The following LPP variants were observed in gnomAD, a reference collection of about 807,000 sequenced individuals.
The protein encoded by LPP is lipoma-preferred partner.
A neutral mutation model predicts 60.4 loss-of-function variants in LPP; 38 were observed. The observed-to-expected ratio is 0.63, with a 90% CI of 0.49 to 0.83. LPP has a LOEUF of 0.83. LPP is among the 40% of genes least tolerant of loss of function. The probability of loss-of-function intolerance (pLI) is 0.00; values close to 1 mark genes in which losing one functional copy is unlikely to be tolerated. For missense variants in LPP, 902 were observed against 783.6 expected (o/e 1.15, Z -1.80); for synonymous variants, 328 against 290.8 (o/e 1.13, Z -1.30).
intron 2 of LPP, among the ~76,000 whole-genome samples, chr3:188,279,326 A>G (rs750436078): frequency 2.0e-5 from 3 of 152,200 alleles, no homozygotes; most frequent in Non-Finnish European, 4.4e-5. Flanking sequence ...CCTCTATAAA[A>G]CAAAGGTAAC....
intron 2 of LPP, among the ~76,000 whole-genome samples, chr3:188,229,549 T>C (rs1451485817): frequency 2.0e-5 from 3 of 152,186 alleles, no homozygotes; most frequent in Non-Finnish European, 2.9e-5. Context: ...CAGCTAGCTT[T>C]TATTGCTTGT....
chr3:188,762,469 A>T (rs914415053), intron 9 of LPP, among the ~76,000 whole-genome samples: 19 of 152,342 alleles, frequency 1.2e-4, no homozygotes, highest in African/African-American at 3.8e-4. Context: ...TTAGGAAATT[A>T]TTATAACCTT....
At position 188,874,506 on chromosome 3, in the gene LPP, G is replaced by T; in HGVS notation, c.*27G>T. The T allele has an allele frequency of 6.2e-7, 1 of 1,606,966 alleles. No homozygotes were observed. Among genetic ancestry groups the T allele is most frequent in the South Asian group, 1.1e-5 (1 of 90,688 alleles). ...TTCAGTCACCTGTTCAGCCGGCACT[G>T]AGAAGAACGAACACAAGAAAAAGAT... is the stretch of plus-strand genomic sequence containing the variant. On this transcript the variant is annotated 3_prime_UTR_variant, in exon 12 of 12. Transcript: ENST00000617246.
At chr3:188,528,637 A>G (rs1821316102) in intron 6 of LPP, among the ~76,000 whole-genome samples, 1 of 152,202 alleles carries the variant, frequency 6.6e-6, no homozygotes, top group Non-Finnish European at 1.5e-5. Context: ...TGAGATATAG[A>G]TATCTCAGTT....
intron 7 of LPP, among the ~76,000 whole-genome samples, chr3:188,630,811 T>C (rs886636344): frequency 1.3e-5 from 2 of 152,108 alleles, no homozygotes; most frequent in Non-Finnish European, 2.9e-5. Flanking sequence ...AAAGAAAATA[T>C]GGTATGTATG....
At chr3:188,739,763 T>A (rs1184517806) in intron 8 of LPP, among the ~76,000 whole-genome samples, 1 of 152,074 alleles carries the variant, frequency 6.6e-6, no homozygotes, top group African/African-American at 2.4e-5. Context: ...CAATTGTCTG[T>A]AGTTGCAGTC....
At chr3:188,509,310 A>G (rs567195177) in intron 5 of LPP, among the ~76,000 whole-genome samples, 1 of 152,338 alleles carries the variant, frequency 6.6e-6, no homozygotes, top group African/African-American at 2.4e-5. Context: ...GGTCTCCAAA[A>G]TATCCCTGTG....
At chr3:188,322,081 G>A (rs777001005) in intron 2 of LPP, among the ~76,000 whole-genome samples, 5 of 152,266 alleles carry the variant, frequency 3.3e-5, no homozygotes, top group African/African-American at 9.6e-5. Context: ...TTACATATAC[G>A]AATCCCCATC....
chr3:188,680,109 A>C (rs754193596), intron 7 of LPP, among the ~76,000 whole-genome samples: 1 of 152,130 alleles, frequency 6.6e-6, no homozygotes, highest in Non-Finnish European at 1.5e-5. Context: ...AAAAATTGCT[A>C]TTTTATAAAC....
At chr3:188,601,200 CTATTA>C (rs1378317540) in intron 6 of LPP, among the ~76,000 whole-genome samples, 4 of 151,950 alleles carry the variant, frequency 2.6e-5, no homozygotes, top group African/African-American at 7.2e-5. Flanking sequence ...GTGTAGTATT[CTATTA>C]TATGACTATA....
intron 7 of LPP, among the ~76,000 whole-genome samples, chr3:188,687,727 A>T (rs1167360592): frequency 6.6e-6 from 1 of 151,572 alleles, no homozygotes; most frequent in Non-Finnish European, 1.5e-5. Context: ...TCTTGACCAA[A>T]GCTCTGAATA....
chr3:188,798,611 T>C (rs1359652809), intron 9 of LPP, among the ~76,000 whole-genome samples: 5 of 152,190 alleles, frequency 3.3e-5, no homozygotes, highest in African/African-American at 1.2e-4. Context: ...TTTATGTACC[T>C]CTTATCGTAT....
intron 4 of LPP, among the ~76,000 whole-genome samples, chr3:188,413,549 C>T (rs1457411964): frequency 1.3e-5 from 2 of 152,136 alleles, no homozygotes; most frequent in Non-Finnish European, 2.9e-5. Flanking sequence ...CATCTCGAGC[C>T]TCATCCATCA....
chr3:188,475,580 A>G (rs576350230), intron 4 of LPP, among the ~76,000 whole-genome samples: 13 of 152,330 alleles, frequency 8.5e-5, no homozygotes, highest in African/African-American at 2.9e-4. Flanking sequence ...GCACTATTCA[A>G]TAACCTCCCT....
intron 2 of LPP, among the ~76,000 whole-genome samples, chr3:188,258,045 T>C (rs1263312743): frequency 2.0e-5 from 3 of 152,240 alleles, no homozygotes; most frequent in Non-Finnish European, 4.4e-5. Flanking sequence ...TTGATTTGTG[T>C]GCTGATGCTC....
At chr3:188,675,768 A>G (rs1200448002) in intron 7 of LPP, among the ~76,000 whole-genome samples, 2 of 152,224 alleles carry the variant, frequency 1.3e-5, no homozygotes, top group Non-Finnish European at 2.9e-5. Flanking sequence ...TTTGCATTAC[A>G]TAGGCATATA....
chr3:188,792,279 A>G (rs1350683591), intron 9 of LPP, among the ~76,000 whole-genome samples: 1 of 152,198 alleles, frequency 6.6e-6, no homozygotes, highest in Middle Eastern at 3.2e-3. Flanking sequence ...CATCCTTCTT[A>G]GTTTCAGCTC....
intron 1 of LPP, among the ~76,000 whole-genome samples, chr3:188,216,258 G>GTCT (rs1213770887): frequency 6.8e-6 from 1 of 147,850 alleles, no homozygotes; most frequent in African/African-American, 2.5e-5. Flanking sequence ...GACTCTGCTC[G>GTCT]TCTTCTTCTT....
At chr3:188,245,525 C>G (rs12629148) in intron 2 of LPP, among the ~76,000 whole-genome samples, 49,199 of 151,952 alleles carry the variant, frequency 0.32, 9,778 homozygotes, top group Middle Eastern at 0.47. Context: ...ATTCCACCAC[C>G]TTTGCCTTCC....
Sources: allele counts gnomAD v4.1 joint callset (sites outside exome capture counted in the v4.1 genomes callset), GRCh38; gene constraint gnomAD v4.1.1; transcripts MANE v1.5; gene names NCBI Gene and HGNC (gene_info 2026-07-23, HGNC 2026-07-21).